The following SBF1 variants were observed in gnomAD, a reference collection of about 807,000 sequenced individuals.
SBF1 encodes SET binding factor 1.
A neutral mutation model predicts 215.8 loss-of-function variants in SBF1; 65 were observed. The observed-to-expected ratio is 0.30, with a 90% CI of 0.25 to 0.37. SBF1 has a LOEUF of 0.37. SBF1 is among the 10% of genes least tolerant of loss of function. The pLI, the probability that SBF1 is intolerant of heterozygous loss-of-function variation, is 1.00. For synonymous variants in SBF1, 1,410 were observed against 1,122.8 expected, an observed-to-expected ratio of 1.26 and a Z score of -5.11; for missense variants, 2,634 against 2,667.8, an observed-to-expected ratio of 0.99 and a Z score of 0.28.
intron 15 of SBF1, 132 bp from the exon 16 acceptor site, chr22:50,463,564 G>A (rs2067613198): frequency 9.8e-7 from 1 of 1,025,430 alleles, no homozygotes; most frequent in Non-Finnish European, 1.4e-6. Context: ...CTGGGGCTTT[G>A]CCGACCAATA....
chr22:50,462,189 C>G lies in SBF1; in HGVS notation c.2396+16G>C. ...GCCCCGCCTCCACTGGGCCCAACCC[C>G]CAGTCCCTGCCTCACCTGTTGGTGA... On this transcript the variant is annotated intron_variant, in intron 19 of 40. Coordinates refer to ENST00000380817, the MANE Select transcript of SBF1 (RefSeq NM_002972.4). The G allele has an allele frequency of 6.2e-7, 1 of 1,604,028 alleles. No individual in the cohort carries two copies. The highest frequency in any genetic ancestry group is 1.3e-5 in the African/African-American group (1 of 75,054).
At chr22:50,463,598 C>G (rs1482186104) in intron 15 of SBF1, among the ~76,000 whole-genome samples, 166 bp from the exon 16 acceptor site, 1 of 152,174 alleles carries the variant, frequency 6.6e-6, no homozygotes, top group Non-Finnish European at 1.5e-5. Flanking sequence ...CCAGTGGGCC[C>G]GACAACTCCA....
At position 50,466,719 on chromosome 22, in the gene SBF1, A is replaced by T. The variant is rs2067775941; in HGVS notation, c.550-9T>A. Reference sequence around the variant, plus strand: ...CCCAAAGAGATCGTCCTCTGCAGCAAAAAAAGGATCGGGGCTCAGTAGTTT... The same window carrying T: ...CCCAAAGAGATCGTCCTCTGCAGCATAAAAAGGATCGGGGCTCAGTAGTTT... On this transcript the variant is annotated splice_polypyrimidine_tract_variant and intron_variant, in intron 5 of 40. Transcript: ENST00000380817. 6.6e-7 allele frequency: 1 copy of T among 1,515,902 alleles called. No individual in the cohort carries two copies. The highest frequency in any genetic ancestry group is 1.4e-5 in the African/African-American group (1 of 71,948). The allele number at this position is 1,515,902 out of a possible 1,614,324, so 93.9% of individuals were successfully genotyped here. A position where few individuals can be genotyped will look rare whatever the true frequency, so the allele number is the denominator to read the frequency against.
chr22:50,453,752 A>G (rs558687879), intron 36 of SBF1, among the ~76,000 whole-genome samples: 1 of 151,690 alleles, frequency 6.6e-6, no homozygotes, highest in African/African-American at 2.4e-5. Flanking sequence ...GCGCCACTAC[A>G]CTCCAGCCTG....
At chr22:50,449,552 T>C (rs1299453897) in intron 36 of SBF1, among the ~76,000 whole-genome samples, 1 of 150,784 alleles carries the variant, frequency 6.6e-6, no homozygotes, top group Non-Finnish European at 1.5e-5. Context: ...GGGGCGGAAG[T>C]TGCAGTGAGC....
intron 15 of SBF1, among the ~76,000 whole-genome samples, chr22:50,463,717 C>A (rs1041227657): frequency 7.2e-5 from 11 of 152,264 alleles, no homozygotes; most frequent in African/African-American, 1.4e-4. Context: ...CCCTTGCTCA[C>A]AGGCTCACAG....
intron 6 of SBF1, 28 bp from the exon 7 acceptor site, chr22:50,466,510 G>A: frequency 6.5e-7 from 1 of 1,534,756 alleles, no homozygotes; most frequent in Non-Finnish European, 8.8e-7. Context: ...GCTTGGAGAG[G>A]ACCCTGGGCC....
At chr22:50,461,462 C>T in intron 22 of SBF1, 61 bp downstream of exon 22, 1 of 1,522,980 alleles carries the variant, frequency 6.6e-7, no homozygotes, top group South Asian at 1.2e-5. Flanking sequence ...CAGGGAAAGC[C>T]CATCCATCCC....
Position 50,464,710 on chromosome 22 carries a change from T to C in SBF1, c.1460A>G (p.His487Arg). The C allele has an allele frequency of 1.2e-6, 2 of 1,607,396 alleles. No homozygotes were observed. The highest frequency in any genetic ancestry group is 1.7e-6 in the Non-Finnish European group (2 of 1,178,798). The change falls in exon 14 of 41, where the codon CAC becomes CGC. Residue 487 changes from histidine to arginine, a missense_variant. Coordinates refer to ENST00000380817, the MANE Select transcript of SBF1 (RefSeq NM_002972.4). ...GCTCTCACCGGGCCTCTGTACCTTG[T>C]GCATCGCCACGGCTGGGTACGGGTT... Reference protein sequence around the residue: ...NENPYPAVAMHKVQRPGESSH... With the variant: ...NENPYPAVAMRKVQRPGESSH...
chr22:50,454,390 C>T (rs1400407482), intron 36 of SBF1, 122 bp downstream of exon 36: 5 of 890,160 alleles, frequency 5.6e-6, no homozygotes, highest in Non-Finnish European at 8.7e-6. Context: ...CAGGGCCACA[C>T]CAACCCCCAG....
At chr22:50,459,053 A>G (rs1487720540) in intron 28 of SBF1, among the ~76,000 whole-genome samples, 2 of 151,996 alleles carry the variant, frequency 1.3e-5, no homozygotes, top group Non-Finnish European at 2.9e-5. Context: ...CAGGGCACAC[A>G]CCTGGTCTGG....
At position 50,446,813 on chromosome 22, in the gene SBF1, A is replaced by C; in HGVS notation, c.*329T>G. The C allele has an allele frequency of 1.6e-6, 1 of 637,416 alleles. No individual in the cohort carries two copies. The allele number at this position is 637,416 out of a possible 1,614,324, so 39.5% of individuals were successfully genotyped here. ...AAGGCAGGCACAGGAGCGTGGCGTT[A>C]GTTCTCTCTTTATATAGACTCTGGT... On this transcript the variant is annotated 3_prime_UTR_variant, in exon 41 of 41. Transcript: ENST00000380817.
In SBF1 at chr22:50,461,981, G is replaced by A. The variant is rs576829341; in HGVS notation, c.2535C>T (p.Ser845=). The change falls in exon 20 of 41, where the codon AGC becomes AGT. Residue 845 remains serine (S), a synonymous_variant. Transcript: ENST00000380817. ...TGACATGCAGCCCCTTGAGGTGGTC[G>A]CTGGTGACCCCACTCTCCGTGCAGA... The part of the protein sequence containing the change: ...DKVCTESGVT[S]DHLKGLHVMV... 318 of 1,614,192 alleles carry A rather than the reference G, an allele frequency of 2.0e-4. 5 individuals are homozygous for A. Among genetic ancestry groups the A allele is most frequent in the South Asian group, 2.0e-3 (178 of 91,084 alleles).
At chr22:50,448,033 CCT>C (rs1237019836) in intron 38 of SBF1, among the ~76,000 whole-genome samples, 198 bp downstream of exon 38, 1 of 152,212 alleles carries the variant, frequency 6.6e-6, no homozygotes, top group East Asian at 1.9e-4. Flanking sequence ...CCACCACTGC[CCT>C]CTCTCTACTC....
Position 50,447,590 on chromosome 22 carries a change from A to G in SBF1, c.5383T>C (p.Tyr1795His), listed in dbSNP as rs1258311867. 2 of 1,611,148 alleles carry G rather than the reference A, an allele frequency of 1.2e-6. No individual in the cohort carries two copies. The highest frequency in any genetic ancestry group is 3.3e-5 in the Admixed American group (2 of 59,892). The part of the protein sequence containing the change: ...SENRSYEGTL[Y>H]KKGAFMKPWK... ...GGCTTCATGAAGGCCCCCTTCTTGT[A>G]CAGAGTGCCCTCGTAGGACCTGCAT... Residue 1795 changes from tyrosine to histidine, a missense_variant, in exon 39 of 41, where the codon TAC (tyrosine) becomes CAC (histidine). Tyr to His is a moderately conservative substitution (Grantham distance 83, BLOSUM62 2). Transcript: ENST00000380817.
Position 50,461,798 on chromosome 22 carries a change from T to G in SBF1, c.2641A>C (p.Lys881Gln). The G allele has an allele frequency of 6.2e-7, 1 of 1,613,248 alleles. No homozygotes were observed. Among genetic ancestry groups the G allele is most frequent in the Non-Finnish European group, 8.5e-7 (1 of 1,179,944 alleles). Residue 881 changes from lysine to glutamine, a missense_variant and splice_region_variant, in exon 21 of 41, where the codon AAG (lysine) becomes CAG (glutamine). Coordinates refer to ENST00000380817, the MANE Select transcript of SBF1 (RefSeq NM_002972.4). Reference protein sequence around the residue: ...RESRRLPPIQKPKLLRPRLLP... With the variant: ...RESRRLPPIQQPKLLRPRLLP... ...CAGCCCCAACGGCCCCCGCAAACCT[T>G]CTGGATGGGCGGCAGCCTCCGGCTC...
At chr22:50,450,067 G>A (rs2066989193) in intron 36 of SBF1, among the ~76,000 whole-genome samples, 1 of 152,240 alleles carries the variant, frequency 6.6e-6, no homozygotes, top group Non-Finnish European at 1.5e-5. Context: ...AGGGGCGCTA[G>A]TGCAGCTGGG....
chr22:50,455,762 A>C (rs1350966272), intron 31 of SBF1, 180 bp from the exon 32 acceptor site: 2 of 618,254 alleles, frequency 3.2e-6, no homozygotes, highest in African/African-American at 3.7e-5. Context: ...TGTGCCGACC[A>C]CCGCCTCCAG....
chr22:50,460,892 G>A (rs1569511910), intron 23 of SBF1, among the ~76,000 whole-genome samples, 180 bp from the exon 24 acceptor site: 1 of 152,240 alleles, frequency 6.6e-6, no homozygotes, highest in Non-Finnish European at 1.5e-5. Context: ...AAATCTCAGT[G>A]GCTGTGAGCT....
Sources: gnomAD v4.1 joint callset for allele counts (sites outside exome capture counted in the v4.1 genomes callset) on GRCh38, gnomAD v4.1.1 for gene constraint, MANE v1.5 for transcripts, NCBI Gene and HGNC (gene_info 2026-07-23, HGNC 2026-07-21) for gene names.